Variants in ZMYND11 observed in about 807,000 individuals in gnomAD.
ZMYND11 encodes zinc finger MYND domain-containing protein 11.
In ZMYND11, 9 loss-of-function variants were observed where a neutral mutation model predicts 84.9. The observed-to-expected ratio is 0.11, with a 90% confidence interval of 0.06 to 0.18. The LOEUF (loss-of-function observed/expected upper bound fraction) is 0.18, where lower values mean the gene tolerates loss of function less well. Ranked by LOEUF, ZMYND11 falls within the 10% of genes least tolerant of loss-of-function variation. The probability of loss-of-function intolerance (pLI) is 1.00; values close to 1 mark genes in which losing one functional copy is unlikely to be tolerated. For missense variants in ZMYND11, 409 were observed against 761.0 expected (o/e 0.54, Z 5.44); for synonymous variants, 250 against 244.1 (o/e 1.02, Z -0.23).
chr10:202,616 G>T (rs2131134332), intron 2 of ZMYND11, among the ~76,000 whole-genome samples: 1 of 152,176 alleles, frequency 6.6e-6, no homozygotes, highest in African/African-American at 2.4e-5. Context: ...TTGCGTTGTT[G>T]TCATTCGTGT....
intron 2 of ZMYND11, among the ~76,000 whole-genome samples, chr10:189,140 C>G (rs979565395): frequency 6.6e-6 from 1 of 152,212 alleles, no homozygotes; most frequent in African/African-American, 2.4e-5. Context: ...CCTCTGACCT[C>G]TTGTGACATG....
At chr10:136,961 A>G (rs1044568076) in intron 1 of ZMYND11, among the ~76,000 whole-genome samples, 2 of 152,218 alleles carry the variant, frequency 1.3e-5, no homozygotes, top group South Asian at 4.1e-4. Context: ...TACAGTGTAT[A>G]TACACTACCT....
At chr10:241,725 G>A (rs187524112) in intron 9 of ZMYND11, among the ~76,000 whole-genome samples, 1,543 of 150,766 alleles carry the variant, frequency 0.01, 22 homozygotes, top group African/African-American at 0.036. Context: ...CAGGGGTGCT[G>A]GAGCTGCTGG....
chr10:249,772 T>C, intron 14 of ZMYND11: 1 of 984,778 alleles, frequency 1.0e-6, no homozygotes, highest in Non-Finnish European at 1.2e-6. Flanking sequence ...TAAATGACTA[T>C]ATAAAGTTTT....
At chr10:217,765 G>T (rs1228222309) in intron 3 of ZMYND11, among the ~76,000 whole-genome samples, 1 of 152,094 alleles carries the variant, frequency 6.6e-6, no homozygotes, top group Admixed American at 6.6e-5. Flanking sequence ...TGTAGACTGC[G>T]TACTATCATT....
chr10:231,206 C>G (rs1948971429), intron 4 of ZMYND11, among the ~76,000 whole-genome samples: 1 of 152,198 alleles, frequency 6.6e-6, no homozygotes, highest in Non-Finnish European at 1.5e-5. Context: ...AATATTTGCT[C>G]TCTGGCCCTT....
intron 1 of ZMYND11, among the ~76,000 whole-genome samples, chr10:161,869 A>T (rs1301373632): frequency 1.3e-5 from 2 of 152,212 alleles, no homozygotes; most frequent in African/African-American, 4.8e-5. Flanking sequence ...CAAAGCAGCA[A>T]TAAGGCTGTT....
At chr10:194,619 G>C (rs942385477) in intron 2 of ZMYND11, among the ~76,000 whole-genome samples, 1 of 152,112 alleles carries the variant, frequency 6.6e-6, no homozygotes, top group African/African-American at 2.4e-5. Context: ...CATTCCGCTC[G>C]ATTTATACTA....
At chr10:201,464 TTC>T (rs1943124926) in intron 2 of ZMYND11, among the ~76,000 whole-genome samples, 2 of 152,156 alleles carry the variant, frequency 1.3e-5, no homozygotes, top group African/African-American at 4.8e-5. Context: ...TGGCAGAAGT[TTC>T]TGAGATTGAA....
At chr10:167,528 A>C (rs148797997) in intron 1 of ZMYND11, among the ~76,000 whole-genome samples, 2 of 152,168 alleles carry the variant, frequency 1.3e-5, no homozygotes, top group Admixed American at 1.3e-4. Context: ...CTGTTTTGCT[A>C]TCAGGAACCT....
chr10:230,213 G>A (rs1190457137), intron 4 of ZMYND11, among the ~76,000 whole-genome samples: 3 of 152,036 alleles, frequency 2.0e-5, no homozygotes, highest in African/African-American at 7.2e-5. Context: ...GGTAGCTCAC[G>A]CCTGTAATCC....
At chr10:239,648 G>A in intron 7 of ZMYND11, 123 bp downstream of exon 7, 2 of 763,966 alleles carry the variant, frequency 2.6e-6, no homozygotes, top group South Asian at 1.9e-5. Flanking sequence ...TACAAGTTTA[G>A]AGTATAAGGT....
intron 1 of ZMYND11, among the ~76,000 whole-genome samples, chr10:170,431 CGTGTGTGTGTGT>C (rs147441773): frequency 4.3e-4 from 64 of 147,804 alleles, no homozygotes; most frequent in South Asian, 2.6e-3. Flanking sequence ...ATTATGTGTG[CGTGTGTGTGTGT>C]GTGTGTGTGT....
chr10:247,932 A>C (rs750563867), intron 12 of ZMYND11, among the ~76,000 whole-genome samples: 40 of 152,264 alleles, frequency 2.6e-4, no homozygotes, highest in Non-Finnish European at 4.8e-4. Flanking sequence ...ACACATATTC[A>C]GTGAGAAGTG....
rs372290970 is a variant in ZMYND11, at chr10:246,853, C to T, written c.1038C>T (p.Ala346=). 9.9e-5 allele frequency: 159 copies of T among 1,614,010 alleles called. No individual in the cohort carries two copies. The highest frequency in any genetic ancestry group is 1.3e-4 in the Non-Finnish European group (153 of 1,180,024). ...HVKRSMGWKK[A]CDELELHQRF... Reference sequence around the variant, plus strand: ...AGCGCAGTATGGGTTGGAAAAAGGCCTGTGATGAGCTGGAGCTGCATCAGC... The same window carrying T: ...AGCGCAGTATGGGTTGGAAAAAGGCTTGTGATGAGCTGGAGCTGCATCAGC... Residue 346 remains alanine, a synonymous_variant, in exon 11 of 15, where the codon GCC becomes GCT. Coordinates refer to ENST00000381604, the MANE Select transcript of ZMYND11 (RefSeq NM_001370100.5).
In ZMYND11 at chr10:237,697, T is replaced by C. The variant is rs1199828695; in HGVS notation, c.609+20T>C. 5.7e-6 allele frequency: 9 copies of C among 1,573,738 alleles called. No homozygotes were observed. The highest frequency in any genetic ancestry group is 6.9e-6 in the Non-Finnish European group (8 of 1,153,388). ...CAAGAGGTAAAGTCGGTTTCTTTTA[T>C]TTCCACTTCAAGTACATTTTCTTAA... On this transcript the variant is annotated intron_variant, in intron 6 of 14. Coordinates refer to ENST00000381604, the MANE Select transcript of ZMYND11 (RefSeq NM_001370100.5).
rs1402817802 is a variant in ZMYND11 at position 252,940 on chromosome 10, G to C, written c.*470G>C. The C allele has an allele frequency of 1.3e-5, 2 of 155,244 alleles. No homozygotes were observed. Among genetic ancestry groups the C allele is most frequent in the African/African-American group, 2.4e-5 (1 of 41,446 alleles). 9.6% of individuals were successfully genotyped at this position (155,244 alleles called of 1,614,324 possible). ...CTGGTTTTGTTCAGCTTAATTTACT[G>C]TTCAAAGGCATTATCTGTTGGTCAC... On this transcript the variant is annotated 3_prime_UTR_variant, in exon 15 of 15. Transcript: ENST00000381604. The surrounding 1 kb of genome is among the most constrained non-coding windows in gnomAD (Gnocchi z 4.6).
rs372546317 is a variant in ZMYND11 at position 247,483 on chromosome 10, G to A, written c.1227+17G>A. 1.1e-4 allele frequency: 185 copies of A among 1,612,130 alleles called. 1 individual carries two copies. In the South Asian group the frequency reaches 1.2e-3, roughly 10 times the overall value. ...AAAAAGGAAGTAAGTTGCCCACCTCGCAGTATCCAGGTGGCAAATGAAACA... is the reference window on the plus strand; with the variant it reads ...AAAAAGGAAGTAAGTTGCCCACCTCACAGTATCCAGGTGGCAAATGAAACA... On this transcript the variant is annotated intron_variant, in intron 12 of 14. Coordinates refer to ENST00000381604, the MANE Select transcript of ZMYND11 (RefSeq NM_001370100.5).
chr10:168,703 A>G (rs1844586428), intron 1 of ZMYND11, among the ~76,000 whole-genome samples: 1 of 152,176 alleles, frequency 6.6e-6, no homozygotes, highest in African/African-American at 2.4e-5. Context: ...ACTCTTTTAG[A>G]TCCATCAGGG....
Sources: gnomAD v4.1 joint callset for allele counts (sites outside exome capture counted in the v4.1 genomes callset) on GRCh38, gnomAD v4.1.1 for gene constraint, Gnocchi (gnomAD v3.1) non-coding constraint, MANE v1.5 for transcripts, NCBI Gene and HGNC (gene_info 2026-07-23, HGNC 2026-07-21) for gene names.